GALNT17: variants seen among roughly 807,000 people sequenced by gnomAD.
The protein encoded by GALNT17 is polypeptide N-acetylgalactosaminyltransferase 17, also known as UDP-GalNAc:polypeptide N-acetylgalactosaminyltransferase-like 3.
In GALNT17, 29 loss-of-function variants were observed where a neutral mutation model predicts 63.7. The observed-to-expected ratio is 0.46, with a 90% CI of 0.34 to 0.62. The LOEUF is 0.62. Ranked by LOEUF, GALNT17 falls within the 20% of genes least tolerant of loss-of-function variation. The pLI is 0.01. For synonymous variants in GALNT17, 305 were observed against 318.3 expected (o/e 0.96, Z 0.45); for missense variants, 603 against 799.6 (o/e 0.75, Z 2.97).
chr7:71,194,211 A>G (rs1789004642), intron 1 of GALNT17, among the ~76,000 whole-genome samples: 2 of 152,112 alleles, frequency 1.3e-5, no homozygotes, highest in Admixed American at 1.3e-4. Context: ...ATGCACCACC[A>G]TATCAAGCAG....
intron 4 of GALNT17, among the ~76,000 whole-genome samples, chr7:71,419,072 T>A (rs1355376406): frequency 6.6e-6 from 1 of 151,976 alleles, no homozygotes; most frequent in Non-Finnish European, 1.5e-5. Context: ...CGAGTGAAAC[T>A]CCGTCTCAAA....
At position 71,478,427 on chromosome 7, in the gene GALNT17, C is replaced by G. The variant is rs532124553; in HGVS notation, c.962+57322C>G. ...CTCACAGGCTCAAGCAATCCTCCCC[C>G]CTCAGCCTCCCAAGTAGCTGGAACC... On this transcript the variant is annotated intron_variant, in intron 5 of 10. Coordinates refer to ENST00000333538, the MANE Select transcript of GALNT17 (RefSeq NM_022479.3). 1.4e-3 allele frequency among the ~76,000 whole-genome samples: 209 copies of G among 152,200 alleles called. 1 individual carries two copies. Among genetic ancestry groups the G allele is most frequent in the Non-Finnish European group, 2.5e-3 (173 of 68,022 alleles).
intron 9 of GALNT17, among the ~76,000 whole-genome samples, chr7:71,698,265 G>A (rs1034506404): frequency 5.9e-5 from 9 of 152,044 alleles, no homozygotes; most frequent in Non-Finnish European, 1.2e-4. Flanking sequence ...GTCACCAAAG[G>A]AACTTCTAAA....
chr7:71,393,635 G>T (rs1669488487), intron 3 of GALNT17, among the ~76,000 whole-genome samples: 1 of 151,880 alleles, frequency 6.6e-6, no homozygotes, highest in Non-Finnish European at 1.5e-5. Flanking sequence ...CTAAGCTCTG[G>T]TCAAGATGGG....
chr7:71,361,866 T>C (rs914386759), intron 2 of GALNT17, among the ~76,000 whole-genome samples: 58 of 152,152 alleles, frequency 3.8e-4, no homozygotes, highest in African/African-American at 1.1e-3. Flanking sequence ...AATTTGGGCG[T>C]TTGTTTATGT....
intron 9 of GALNT17, among the ~76,000 whole-genome samples, chr7:71,686,554 T>TA (rs1262608838): frequency 1.3e-5 from 2 of 149,966 alleles, no homozygotes; most frequent in African/African-American, 2.5e-5. Flanking sequence ...CTTTTTTATT[T>TA]TTTTTTTAAA....
At chr7:71,454,792 A>G (rs2116561267) in intron 5 of GALNT17, among the ~76,000 whole-genome samples, 1 of 152,296 alleles carries the variant, frequency 6.6e-6, no homozygotes, top group Middle Eastern at 3.4e-3. Context: ...CTCTGACATC[A>G]AAAGGTGAAA....
Position 71,712,125 on chromosome 7 carries a change from C to G in GALNT17, c.1776C>G (p.Thr592=). The change falls in exon 11 of 11, where the codon ACC becomes ACG. Residue 592 remains threonine (T), a synonymous_variant. Coordinates refer to ENST00000333538, the MANE Select transcript of GALNT17 (RefSeq NM_022479.3). ...GCAGCTGCACAGGTCAGAGGTGGAC[C>G]ATTAAGAACTCCATCAAGTAGAGGG... ...ILRSCTGQRW[T]IKNSIK 3.1e-6 allele frequency: 5 copies of G among 1,613,558 alleles called. No homozygotes were observed. Among genetic ancestry groups the G allele is most frequent in the Non-Finnish European group, 4.2e-6 (5 of 1,179,758 alleles).
intron 9 of GALNT17, among the ~76,000 whole-genome samples, chr7:71,678,622 C>T (rs1013282038): frequency 6.6e-6 from 1 of 151,662 alleles, no homozygotes; most frequent in African/African-American, 2.4e-5. Context: ...ACGGTGAAAC[C>T]GTCTCTACTA....
chr7:71,657,513 G>A (rs1207675289), intron 6 of GALNT17, among the ~76,000 whole-genome samples: 1 of 152,138 alleles, frequency 6.6e-6, no homozygotes, highest in Non-Finnish European at 1.5e-5. Context: ...AGGTGCCCAG[G>A]GGAGCAGGTG....
Position 71,677,177 on chromosome 7 carries a change from G to A in GALNT17, c.1405-34G>A, listed in dbSNP as rs115685532. On this transcript the variant is annotated intron_variant, in intron 8 of 10. Transcript: ENST00000333538. ...CGGCATCCACACCTCCACTAGCTGA[G>A]CTCTCATGGGTCGTGTTTTGTCTAT... 5,665 of 1,609,766 alleles carry A rather than the reference G, an allele frequency of 3.5e-3. 172 individuals are homozygous for A. The African/African-American group carries it at 0.067, about 19-fold the overall frequency.
chr7:71,559,132 G>A (rs1325520505), intron 5 of GALNT17, among the ~76,000 whole-genome samples: 1 of 152,170 alleles, frequency 6.6e-6, no homozygotes, highest in Non-Finnish European at 1.5e-5. Flanking sequence ...TTTGTGAGCT[G>A]GATGCAGTGT....
At chr7:71,492,291 A>T (rs6460658) in intron 5 of GALNT17, among the ~76,000 whole-genome samples, 143,678 of 152,208 alleles carry the variant, frequency 0.94, 68,305 homozygotes, top group East Asian at 1. Context: ...ATAAATAAAT[A>T]AATTAATTAA....
intron 1 of GALNT17, among the ~76,000 whole-genome samples, chr7:71,153,893 G>C (rs1788179887): frequency 6.6e-6 from 1 of 151,580 alleles, no homozygotes. Context: ...GGGTGACAAA[G>C]GGAGACTCTG....
chr7:71,649,022 A>G (rs1790719423), intron 6 of GALNT17, among the ~76,000 whole-genome samples: 1 of 152,154 alleles, frequency 6.6e-6, no homozygotes, highest in Non-Finnish European at 1.5e-5. Flanking sequence ...GGTCCTCTTC[A>G]TCCTCTTCCT....
At chr7:71,177,669 A>C (rs1393320648) in intron 1 of GALNT17, among the ~76,000 whole-genome samples, 1 of 152,192 alleles carries the variant, frequency 6.6e-6, no homozygotes, top group East Asian at 1.9e-4. Context: ...CCAGCATGGA[A>C]AAAAAGCAAG....
intron 6 of GALNT17, among the ~76,000 whole-genome samples, chr7:71,632,109 AAAG>A (rs1790461383): frequency 2.0e-5 from 3 of 151,978 alleles, no homozygotes; most frequent in Non-Finnish European, 4.4e-5. Context: ...GAAAAAGAAA[AAAG>A]ACTGGGGCTG....
chr7:71,399,190 C>A (rs184235769), intron 3 of GALNT17, among the ~76,000 whole-genome samples: 1 of 152,124 alleles, frequency 6.6e-6, no homozygotes, highest in Non-Finnish European at 1.5e-5. Flanking sequence ...GCTGAGATTG[C>A]GCCACGGCAC....
intron 1 of GALNT17, among the ~76,000 whole-genome samples, chr7:71,298,724 G>C (rs1211579749): frequency 1.3e-5 from 2 of 151,308 alleles, no homozygotes. Flanking sequence ...GTGTGTGTGT[G>C]TGTGTGTGTG....
Sources: allele counts gnomAD v4.1 joint callset (sites outside exome capture counted in the v4.1 genomes callset), GRCh38; gene constraint gnomAD v4.1.1; transcripts MANE v1.5; gene names NCBI Gene and HGNC (gene_info 2026-07-23, HGNC 2026-07-21).